MARCHF1: variants seen among roughly 807,000 people sequenced by gnomAD.
MARCHF1 encodes the protein membrane associated ring-CH-type finger 1.
Under a neutral mutation model 54.2 loss-of-function variants are expected in MARCHF1, and 40 were observed. The observed-to-expected ratio is 0.74, with a 90% confidence interval of 0.57 to 0.96. The LOEUF is 0.96. Among genes scored for constraint, MARCHF1 ranks in the 40% least tolerant of loss-of-function variants. MARCHF1 has a pLI of 0.00. For missense variants in MARCHF1, 586 were observed against 656.5 expected (o/e 0.89, Z 1.17); for synonymous variants, 236 against 236.3 (o/e 1.00, Z 0.01).
chr4:164,220,711 A>AAT (rs1732084734), intron 1 of MARCHF1, among the ~76,000 whole-genome samples: 1 of 146,706 alleles, frequency 6.8e-6, no homozygotes, highest in Admixed American at 6.9e-5. Flanking sequence ...GTATATATGT[A>AAT]ATATATATGA....
chr4:163,636,650 T>C lies in MARCHF1; in HGVS notation c.163-23257A>G, dbSNP rs1159132295. On this transcript the variant is annotated intron_variant, in intron 5 of 9. Coordinates refer to ENST00000514618, the MANE Select transcript of MARCHF1 (RefSeq NM_001394959.1). ...GCTCATGGGTAGGAAGAATCAATATTGTGAAAATGGCCATACTGCCCAAGG... is the reference window on the plus strand; with the variant it reads ...GCTCATGGGTAGGAAGAATCAATATCGTGAAAATGGCCATACTGCCCAAGG... Among the ~76,000 whole-genome samples, 10 of 151,734 alleles carry C rather than the reference T, an allele frequency of 6.6e-5. No individual in the cohort carries two copies. In the East Asian group the frequency reaches 1.2e-3, roughly 18 times the overall value.
chr4:163,925,533 C>G (rs917062724), intron 3 of MARCHF1, among the ~76,000 whole-genome samples: 3 of 151,840 alleles, frequency 2.0e-5, no homozygotes, highest in African/African-American at 7.2e-5. Flanking sequence ...ATACTTAAAT[C>G]AAGGAAGACA....
intron 4 of MARCHF1, among the ~76,000 whole-genome samples, chr4:163,844,487 A>G (rs1285779607): frequency 1.3e-5 from 2 of 152,142 alleles, no homozygotes; most frequent in Non-Finnish European, 2.9e-5. Flanking sequence ...TTAGTTATAA[A>G]TTATTTGCCA....
At chr4:164,366,723 G>C (rs1237009787) in intron 1 of MARCHF1, among the ~76,000 whole-genome samples, 1 of 151,410 alleles carries the variant, frequency 6.6e-6, no homozygotes, top group African/African-American at 2.4e-5. Flanking sequence ...ATGCATTTTA[G>C]TATGTTTCAG....
chr4:164,375,529 TTTTA>T (rs922204350), intron 1 of MARCHF1, among the ~76,000 whole-genome samples: 1 of 152,218 alleles, frequency 6.6e-6, no homozygotes, highest in African/African-American at 2.4e-5. Context: ...CTCCTACAAC[TTTTA>T]TTTGATTCAA....
At chr4:163,588,510 T>G (rs1034430492) in intron 7 of MARCHF1, among the ~76,000 whole-genome samples, 3 of 152,224 alleles carry the variant, frequency 2.0e-5, no homozygotes, top group Non-Finnish European at 2.9e-5. Context: ...TATTTATTTT[T>G]GGAGCCACTA....
chr4:164,351,954 C>T (rs376991243), intron 1 of MARCHF1, among the ~76,000 whole-genome samples: 1 of 147,416 alleles, frequency 6.8e-6, no homozygotes, highest in African/African-American at 2.5e-5. Flanking sequence ...TCGAGAACTA[C>T]GTGAAGAATG....
At chr4:163,699,963 G>GTTTTT (rs35324736) in intron 5 of MARCHF1, among the ~76,000 whole-genome samples, 3 of 143,932 alleles carry the variant, frequency 2.1e-5, no homozygotes, top group Admixed American at 7.0e-5. Context: ...GGAATATTTT[G>GTTTTT]TTTTTTTTTT....
At chr4:163,986,252 T>C (rs1400242720) in intron 3 of MARCHF1, among the ~76,000 whole-genome samples, 8 of 9,866 alleles carry the variant, frequency 8.1e-4, no homozygotes, top group Non-Finnish European at 1.9e-3. Context: ...ACCTCTTCTT[T>C]TTTTTTTTTT....
intron 8 of MARCHF1, among the ~76,000 whole-genome samples, chr4:163,569,882 G>T (rs375508187): frequency 2.6e-5 from 4 of 152,140 alleles, no homozygotes; most frequent in African/African-American, 7.2e-5. Context: ...TTATGCAAAT[G>T]AACGCCTGGA....
chr4:164,072,677 C>A (rs1754893004), intron 2 of MARCHF1, among the ~76,000 whole-genome samples: 1 of 144,758 alleles, frequency 6.9e-6, no homozygotes, highest in African/African-American at 2.6e-5. Flanking sequence ...AATGAGAGCA[C>A]TAAAACCCTT....
chr4:164,351,695 G>T (rs920588341), intron 1 of MARCHF1, among the ~76,000 whole-genome samples: 7 of 152,002 alleles, frequency 4.6e-5, no homozygotes, highest in South Asian at 2.1e-4. Flanking sequence ...ACTCTAAAAA[G>T]CAGAGCGCCT....
chr4:163,699,216 T>A (rs537825539), intron 5 of MARCHF1, among the ~76,000 whole-genome samples: 1 of 152,332 alleles, frequency 6.6e-6, no homozygotes, highest in African/African-American at 2.4e-5. Flanking sequence ...ATTCTCTATG[T>A]GTCTGTCACA....
chr4:164,274,721 G>A (rs1269640190), intron 1 of MARCHF1, among the ~76,000 whole-genome samples: 1 of 127,188 alleles, frequency 7.9e-6, no homozygotes, highest in Non-Finnish European at 1.6e-5. Context: ...CTGTCTCCCA[G>A]GCTGGAGTGC....
At chr4:164,219,394 T>G (rs569760513) in intron 1 of MARCHF1, among the ~76,000 whole-genome samples, 1 of 152,148 alleles carries the variant, frequency 6.6e-6, no homozygotes, top group Non-Finnish European at 1.5e-5. Flanking sequence ...CTAAAACCAA[T>G]GATCTTCAAA....
At chr4:163,635,281 A>G (rs1200248401) in intron 5 of MARCHF1, among the ~76,000 whole-genome samples, 3 of 137,622 alleles carry the variant, frequency 2.2e-5, no homozygotes, top group East Asian at 4.4e-4. Flanking sequence ...GACACAAAAA[A>G]CCCTTCAAAA....
chr4:164,294,808 T>C (rs1274560768), intron 1 of MARCHF1, among the ~76,000 whole-genome samples: 12 of 152,318 alleles, frequency 7.9e-5, no homozygotes, highest in African/African-American at 2.4e-5. Flanking sequence ...TTAATGACTA[T>C]AAGTAATTGC....
intron 1 of MARCHF1, among the ~76,000 whole-genome samples, chr4:164,194,024 T>C (rs750009051): frequency 2.2e-4 from 33 of 147,262 alleles, no homozygotes; most frequent in Non-Finnish European, 3.9e-4. Context: ...AAGAATGAAC[T>C]CTCTCTCTCA....
At chr4:163,919,510 CTT>C (rs1334050736) in intron 3 of MARCHF1, among the ~76,000 whole-genome samples, 7 of 151,790 alleles carry the variant, frequency 4.6e-5, no homozygotes, top group African/African-American at 1.7e-4. Flanking sequence ...TGTATTTTTT[CTT>C]TCTCTCTATA....
Sources: allele counts gnomAD v4.1 joint callset (sites outside exome capture counted in the v4.1 genomes callset), GRCh38; gene constraint gnomAD v4.1.1; transcripts MANE v1.5; gene names NCBI Gene and HGNC (gene_info 2026-07-23, HGNC 2026-07-21).